Variants in DDX10 observed in about 807,000 individuals in gnomAD.
DDX10 encodes the protein probable ATP-dependent RNA helicase DDX10.
In DDX10, 74 loss-of-function variants were observed where a neutral mutation model predicts 104.3. That is an observed-to-expected ratio of 0.71 (90% CI 0.59 to 0.86). The LOEUF (loss-of-function observed/expected upper bound fraction) is 0.86, where lower values mean the gene tolerates loss of function less well. Among genes scored for constraint, DDX10 ranks in the 40% least tolerant of loss-of-function variants. The pLI is 0.00. For missense variants in DDX10, 952 were observed against 1,040.0 expected (o/e 0.92, Z 1.16); for synonymous variants, 351 against 353.4 (o/e 0.99, Z 0.08).
At chr11:108,847,957 T>G (rs1315190707) in intron 15 of DDX10, among the ~76,000 whole-genome samples, 3 of 152,176 alleles carry the variant, frequency 2.0e-5, no homozygotes, top group Non-Finnish European at 4.4e-5. Flanking sequence ...CTTTAAACTT[T>G]ATGCTTTTTA....
chr11:108,681,861 G>T (rs565919927), intron 6 of DDX10, among the ~76,000 whole-genome samples: 1 of 152,258 alleles, frequency 6.6e-6, no homozygotes, highest in East Asian at 1.9e-4. Flanking sequence ...ATTTAGAATT[G>T]CATTGTCAAT....
chr11:108,707,194 T>A (rs2094277315), intron 10 of DDX10, among the ~76,000 whole-genome samples: 1 of 152,212 alleles, frequency 6.6e-6, no homozygotes, highest in Non-Finnish European at 1.5e-5. Context: ...AAATGTGTAA[T>A]GATGCATACC....
intron 17 of DDX10, among the ~76,000 whole-genome samples, chr11:108,935,104 T>C (rs1270761501): frequency 6.6e-6 from 1 of 152,140 alleles, no homozygotes; most frequent in Non-Finnish European, 1.5e-5. Context: ...AAATGAAGAC[T>C]AGGAGCCCCA....
At chr11:108,796,337 T>C (rs529019646) in intron 13 of DDX10, among the ~76,000 whole-genome samples, 2 of 152,350 alleles carry the variant, frequency 1.3e-5, no homozygotes, top group South Asian at 4.1e-4. Flanking sequence ...TCTAGTTGAT[T>C]GTATACTTCT....
At chr11:108,752,989 A>G (rs1442647359) in intron 13 of DDX10, among the ~76,000 whole-genome samples, 1 of 152,096 alleles carries the variant, frequency 6.6e-6, no homozygotes, top group Admixed American at 6.6e-5. Context: ...TATTTGCTGA[A>G]TTGAATTCTG....
chr11:108,808,350 T>G (rs1046747819), intron 13 of DDX10, among the ~76,000 whole-genome samples: 31 of 150,526 alleles, frequency 2.1e-4, no homozygotes, highest in East Asian at 3.9e-4. Context: ...TGATTTTTTT[T>G]GGGGGTGGGG....
intron 13 of DDX10, among the ~76,000 whole-genome samples, chr11:108,748,863 T>G (rs937754998): frequency 6.6e-6 from 1 of 152,134 alleles, no homozygotes; most frequent in Non-Finnish European, 1.5e-5. Context: ...TTAAATGTTT[T>G]AATTTACTAT....
At chr11:108,744,583 C>T (rs993634521) in intron 13 of DDX10, among the ~76,000 whole-genome samples, 1 of 151,996 alleles carries the variant, frequency 6.6e-6, no homozygotes, top group African/African-American at 2.4e-5. Flanking sequence ...CCTTAAATAC[C>T]CTCTGCCATG....
intron 9 of DDX10, 31 bp from the exon 10 acceptor site, chr11:108,706,708 T>A (rs746899032): frequency 2.0e-6 from 3 of 1,503,516 alleles, no homozygotes; most frequent in Admixed American, 1.7e-5. Flanking sequence ...ATTGCATTGA[T>A]GTGTTAAAGA....
At chr11:108,826,187 A>G (rs1466668392) in intron 13 of DDX10, among the ~76,000 whole-genome samples, 2 of 152,182 alleles carry the variant, frequency 1.3e-5, no homozygotes, top group African/African-American at 4.8e-5. Flanking sequence ...AAATTGGTAC[A>G]TTTATTAAAA....
At chr11:108,700,838 T>C (rs2094266810) in intron 9 of DDX10, among the ~76,000 whole-genome samples, 1 of 152,190 alleles carries the variant, frequency 6.6e-6, no homozygotes, top group Non-Finnish European at 1.5e-5. Context: ...GCGGTTTCTT[T>C]TTATTCTTAA....
At position 108,915,789 on chromosome 11, in the gene DDX10, G is replaced by A. The variant is rs180682262; in HGVS notation, c.2305-2084G>A. ...AGAATAACTGCAGTTTTCTGAAAAG[G>A]TTCTATTACTCTTCCCTTTCCCAAA... On this transcript the variant is annotated intron_variant, in intron 16 of 17. Coordinates refer to ENST00000322536, the MANE Select transcript of DDX10 (RefSeq NM_004398.4). 1.7e-4 allele frequency among the ~76,000 whole-genome samples: 26 copies of A among 151,964 alleles called. No individual in the cohort carries two copies. The Middle Eastern group carries it at 0.01, about 60-fold the overall frequency.
intron 16 of DDX10, among the ~76,000 whole-genome samples, chr11:108,863,176 G>A (rs1442489828): frequency 6.6e-6 from 1 of 152,276 alleles, no homozygotes; most frequent in East Asian, 1.9e-4. Flanking sequence ...CCTGGACTGT[G>A]TCTGGTCCAG....
chr11:108,803,741 A>T (rs529083883), intron 13 of DDX10, among the ~76,000 whole-genome samples: 16 of 152,128 alleles, frequency 1.1e-4, no homozygotes, highest in Non-Finnish European at 1.6e-4. Context: ...TTTTTAGATA[A>T]GTAAATTTCA....
intron 13 of DDX10, among the ~76,000 whole-genome samples, chr11:108,768,731 G>A (rs892929140): frequency 2.6e-5 from 4 of 151,932 alleles, no homozygotes; most frequent in East Asian, 1.9e-4. Flanking sequence ...ACTACATTCC[G>A]TATTTTGGTT....
chr11:108,860,302 C>T (rs1193814680), intron 16 of DDX10, among the ~76,000 whole-genome samples: 1 of 152,076 alleles, frequency 6.6e-6, no homozygotes, highest in African/African-American at 2.4e-5. Flanking sequence ...ATTTGTTTTG[C>T]TAAATTCAGA....
chr11:108,781,699 A>C (rs1301785469), intron 13 of DDX10, among the ~76,000 whole-genome samples: 1 of 152,192 alleles, frequency 6.6e-6, no homozygotes, highest in Non-Finnish European at 1.5e-5. Context: ...GGTTCTAAAA[A>C]GTGTAGTTAA....
At chr11:108,800,457 A>AAAAAAAC (rs1862005379) in intron 13 of DDX10, among the ~76,000 whole-genome samples, 1 of 150,942 alleles carries the variant, frequency 6.6e-6, no homozygotes, top group African/African-American at 2.4e-5. Flanking sequence ...AAAAAAAAAA[A>AAAAAAAC]AAAAAGAACA....
intron 9 of DDX10, among the ~76,000 whole-genome samples, chr11:108,699,938 A>G (rs2094265265): frequency 1.3e-5 from 2 of 152,192 alleles, no homozygotes; most frequent in African/African-American, 4.8e-5. Flanking sequence ...TTAGATGGAC[A>G]CTTGCATAGA....
Sources: allele counts gnomAD v4.1 joint callset (sites outside exome capture counted in the v4.1 genomes callset), GRCh38; gene constraint gnomAD v4.1.1; transcripts MANE v1.5; gene names NCBI Gene and HGNC (gene_info 2026-07-23, HGNC 2026-07-21).